The following ANKRD11 variants were observed in gnomAD, a reference collection of about 807,000 sequenced individuals.
The protein encoded by ANKRD11 is ankyrin repeat domain-containing protein 11.
Under a neutral mutation model 195.7 loss-of-function variants are expected in ANKRD11, and 17 were observed. That is an observed-to-expected ratio of 0.09 (90% CI 0.06 to 0.13). The LOEUF (loss-of-function observed/expected upper bound fraction) is 0.13. Ranked by LOEUF, ANKRD11 falls within the 10% of genes least tolerant of loss-of-function variation. ANKRD11 has a pLI of 1.00. For missense variants in ANKRD11, 3,735 were observed against 3,566.1 expected, an observed-to-expected ratio of 1.05 and a Z score of -1.21; for synonymous variants, 1,953 against 1,528.1, an observed-to-expected ratio of 1.28 and a Z score of -6.49.
intron 2 of ANKRD11, among the ~76,000 whole-genome samples, chr16:89,329,381 T>A (rs1049070059): frequency 1.3e-5 from 2 of 151,708 alleles, no homozygotes; most frequent in Admixed American, 6.6e-5. Flanking sequence ...GAGTCTATAA[T>A]GATTTCACAG....
At chr16:89,423,645 T>C (rs2042602934) in intron 1 of ANKRD11, among the ~76,000 whole-genome samples, 1 of 152,202 alleles carries the variant, frequency 6.6e-6, no homozygotes, top group Admixed American at 6.5e-5. Context: ...GAGCCCACCA[T>C]TACTAGAGGT....
intron 1 of ANKRD11, among the ~76,000 whole-genome samples, chr16:89,486,168 G>A (rs2057606815): frequency 6.6e-6 from 1 of 152,038 alleles, no homozygotes; most frequent in African/African-American, 2.4e-5. Context: ...AAAACAAAAG[G>A]GGGCTGAGCA....
rs1464491330 is a variant in ANKRD11, at chr16:89,291,645, C to T, written c.227-462G>A. 7.8e-7 allele frequency: 1 copy of T among 1,276,676 alleles called. No homozygotes were observed. Among genetic ancestry groups the T allele is most frequent in the Admixed American group, 2.3e-5 (1 of 43,608 alleles). 79.1% of individuals were successfully genotyped at this position (1,276,676 alleles called of 1,614,324 possible). ...AAAATGGCAGACACAGTTTAAAACA[C>T]ATCAGTAAATCAAGGCCAACTGGTC... On this transcript the variant is annotated intron_variant, in intron 4 of 12. Coordinates refer to ENST00000301030, the MANE Select transcript of ANKRD11 (RefSeq NM_013275.6). This position sits in a 1 kb window ranked among gnomAD's most constrained non-coding sequence, Gnocchi z 5.3.
intron 1 of ANKRD11, among the ~76,000 whole-genome samples, chr16:89,475,919 G>C (rs1483857696): frequency 6.6e-6 from 1 of 151,988 alleles, no homozygotes; most frequent in African/African-American, 2.4e-5. Context: ...AGGCGTGGTG[G>C]TGGGCACCTG....
chr16:89,442,193 C>T lies in ANKRD11; in HGVS notation c.-144-23825G>A, dbSNP rs533288695. The stretch of plus-strand genomic sequence containing the variant: ...GCTCAGCAGAGGGAGGACACCCCAG[C>T]TGACAACGCACGCCCACTGGTGCCA... On this transcript the variant is annotated intron_variant, in intron 1 of 12. Coordinates refer to ENST00000301030, the MANE Select transcript of ANKRD11 (RefSeq NM_013275.6). Among the ~76,000 whole-genome samples, 8 of 152,376 alleles carry T rather than the reference C, an allele frequency of 5.3e-5. No individual in the cohort carries two copies. The South Asian group carries it at 1.7e-3, about 32-fold the overall frequency.
At chr16:89,336,067 T>C (rs1412238428) in intron 2 of ANKRD11, among the ~76,000 whole-genome samples, 1 of 152,212 alleles carries the variant, frequency 6.6e-6, no homozygotes, top group East Asian at 1.9e-4. Context: ...TTCCTGCCAG[T>C]TGGTTTGAAA....
intron 2 of ANKRD11, among the ~76,000 whole-genome samples, chr16:89,332,745 C>T (rs747128485): frequency 9.2e-5 from 14 of 152,216 alleles, no homozygotes; most frequent in Non-Finnish European, 1.9e-4. Context: ...GAAAGTGCCC[C>T]GCTGCCCTGA....
At chr16:89,373,428 A>G (rs1348692671) in intron 2 of ANKRD11, 2 of 152,282 alleles carry the variant, frequency 1.3e-5, no homozygotes, top group Admixed American at 1.3e-4. Context: ...GAGCCAGGCC[A>G]CCCTCTCCAG....
intron 7 of ANKRD11, chr16:89,286,427 T>A: frequency 1.6e-6 from 1 of 631,296 alleles, no homozygotes; most frequent in Non-Finnish European, 2.7e-6. Flanking sequence ...GCACCCCTCC[T>A]GTGCTCTCCT....
intron 1 of ANKRD11, among the ~76,000 whole-genome samples, chr16:89,439,579 A>G (rs2152288560): frequency 6.6e-6 from 1 of 152,338 alleles, no homozygotes; most frequent in South Asian, 2.1e-4. Flanking sequence ...ATTTAGGATA[A>G]AGCTGAAACA....
At chr16:89,288,128 C>T (rs1182080423) in intron 7 of ANKRD11, 3 of 599,994 alleles carry the variant, frequency 5.0e-6, no homozygotes, top group Admixed American at 3.0e-5. Context: ...GCACTGGCCA[C>T]ACCTCTTGGT....
At chr16:89,441,837 G>A (rs930812650) in intron 1 of ANKRD11, among the ~76,000 whole-genome samples, 1 of 137,466 alleles carries the variant, frequency 7.3e-6, no homozygotes, top group Non-Finnish European at 1.5e-5. Context: ...CTGCATAACT[G>A]AACAGTGTCC....
chr16:89,413,350 G>A (rs2042170611), intron 2 of ANKRD11, among the ~76,000 whole-genome samples: 2 of 152,188 alleles, frequency 1.3e-5, no homozygotes, highest in African/African-American at 4.8e-5. Context: ...AGTGGACTGG[G>A]CGCAGTGGCT....
chr16:89,315,094 G>A (rs550209095), intron 3 of ANKRD11, among the ~76,000 whole-genome samples: 32 of 152,224 alleles, frequency 2.1e-4, no homozygotes, highest in African/African-American at 5.5e-4. Context: ...CACAGCTCAC[G>A]CCTCCACACT....
chr16:89,398,372 G>A (rs1425436260), intron 2 of ANKRD11, among the ~76,000 whole-genome samples: 4 of 87,044 alleles, frequency 4.6e-5, no homozygotes, highest in African/African-American at 1.7e-4. Flanking sequence ...TGACATGAGG[G>A]ACGCTGTGAA....
At chr16:89,394,069 G>A (rs1379325268) in intron 2 of ANKRD11, among the ~76,000 whole-genome samples, 1 of 152,068 alleles carries the variant, frequency 6.6e-6, no homozygotes, top group African/African-American at 2.4e-5. Flanking sequence ...GCTCCTCCCC[G>A]CCTCCCTAGC....
rs1368311642 is a variant in ANKRD11 at position 89,281,690 on chromosome 16, G to C, written c.4852C>G (p.Pro1618Ala). ...GGCTTCGCCTTCTCCTTGAGCTTGG[G>C]GTCTCCGGACCGGTGCCTCAGCTTC... ...MEKLRHRSGDPKLKEKAKPAD... is the reference protein window; with the variant it reads ...MEKLRHRSGDAKLKEKAKPAD... Residue 1618 changes from proline to alanine, a missense_variant, in exon 9 of 13, where the codon CCC becomes GCC. Coordinates refer to ENST00000301030, the MANE Select transcript of ANKRD11 (RefSeq NM_013275.6). This position sits in a 1 kb window ranked among gnomAD's most constrained non-coding sequence, Gnocchi z 5.5. 1.9e-6 allele frequency: 3 copies of C among 1,613,982 alleles called. No individual in the cohort carries two copies. In the African/African-American group the frequency reaches 4.0e-5, roughly 22 times the overall value.
At chr16:89,472,654 C>T (rs2057127551) in intron 1 of ANKRD11, among the ~76,000 whole-genome samples, 1 of 152,212 alleles carries the variant, frequency 6.6e-6, no homozygotes. Context: ...TGGCTGTGCA[C>T]ACCGTTTAAA....
intron 2 of ANKRD11, among the ~76,000 whole-genome samples, chr16:89,360,223 T>C (rs116615921): frequency 0.025 from 3,791 of 152,316 alleles, 169 homozygotes; most frequent in African/African-American, 0.087. Context: ...CATGTTCCCA[T>C]AAAAGACATG....
Sources: allele counts gnomAD v4.1 joint callset (sites outside exome capture counted in the v4.1 genomes callset), GRCh38; gene constraint gnomAD v4.1.1; non-coding constraint Gnocchi (gnomAD v3.1); transcripts MANE v1.5; gene names NCBI Gene and HGNC (gene_info 2026-07-23, HGNC 2026-07-21).